Variants in RANBP17 observed in about 807,000 individuals in gnomAD.
The protein encoded by RANBP17 is ran-binding protein 17.
RANBP17 carries 158 observed loss-of-function variants against 141.2 expected under a neutral mutation model. That is an observed-to-expected ratio of 1.12 (90% confidence interval 0.98 to 1.28). The LOEUF (loss-of-function observed/expected upper bound fraction) is 1.28, where lower values mean the gene tolerates loss of function less well. Ranked by LOEUF, RANBP17 falls within the 50% of genes most tolerant of loss-of-function variation. RANBP17 has a pLI of 0.00. For missense variants in RANBP17, 1,438 were observed against 1,290.7 expected, an observed-to-expected ratio of 1.11 and a Z score of -1.75; for synonymous variants, 430 against 450.0, an observed-to-expected ratio of 0.96 and a Z score of 0.56.
intron 25 of RANBP17, among the ~76,000 whole-genome samples, chr5:171,286,153 G>A (rs1280446759): frequency 6.6e-6 from 1 of 152,226 alleles, no homozygotes; most frequent in Non-Finnish European, 1.5e-5. Flanking sequence ...CTTTCCGTAA[G>A]GAGGGGATGG....
At chr5:170,866,294 A>G (rs565059582) in intron 1 of RANBP17, among the ~76,000 whole-genome samples, 1 of 144,516 alleles carries the variant, frequency 6.9e-6, no homozygotes, top group Admixed American at 6.7e-5. Context: ...AGGAGGTACA[A>G]AGGAGACTAA....
chr5:171,248,840 A>T (rs905088553), intron 24 of RANBP17, among the ~76,000 whole-genome samples: 1 of 152,174 alleles, frequency 6.6e-6, no homozygotes, highest in African/African-American at 2.4e-5. Flanking sequence ...CCAAAGGGTC[A>T]TCCTACCACT....
chr5:170,893,808 A>G (rs1210354417), intron 4 of RANBP17, among the ~76,000 whole-genome samples: 1 of 151,596 alleles, frequency 6.6e-6, no homozygotes, highest in Non-Finnish European at 1.5e-5. Flanking sequence ...AAAAAAAAAG[A>G]AAAATCCATG....
intron 20 of RANBP17, chr5:171,206,693 CA>C: frequency 1.1e-5 from 2 of 179,564 alleles, no homozygotes; most frequent in Non-Finnish European, 1.2e-5. Context: ...CAGTTATGGC[CA>C]AAAATATAAC....
intron 14 of RANBP17, among the ~76,000 whole-genome samples, chr5:171,121,510 G>A (rs1374430593): frequency 6.6e-6 from 1 of 152,242 alleles, no homozygotes; most frequent in Non-Finnish European, 1.5e-5. Flanking sequence ...TGAGTTGGCT[G>A]ATTCGCTGTT....
chr5:171,065,220 G>A (rs747663976), intron 14 of RANBP17, among the ~76,000 whole-genome samples: 9 of 152,062 alleles, frequency 5.9e-5, no homozygotes, highest in Middle Eastern at 3.4e-3. Context: ...ATGGCTATCC[G>A]GTATTCCCTA....
intron 14 of RANBP17, among the ~76,000 whole-genome samples, chr5:171,153,348 T>G (rs1758621868): frequency 6.6e-6 from 1 of 152,248 alleles, no homozygotes. Flanking sequence ...AATGTTATTT[T>G]TGGCTAGATT....
intron 14 of RANBP17, among the ~76,000 whole-genome samples, chr5:171,168,693 A>G (rs1020937896): frequency 6.6e-6 from 1 of 152,124 alleles, no homozygotes; most frequent in Non-Finnish European, 1.5e-5. Context: ...ACAAGCAACA[A>G]TGGTCACTTT....
chr5:170,902,243 C>A (rs1770705587), intron 5 of RANBP17, among the ~76,000 whole-genome samples: 1 of 152,212 alleles, frequency 6.6e-6, no homozygotes, highest in South Asian at 2.1e-4. Context: ...TTTCTCTAAT[C>A]TTGTCTTCAC....
chr5:171,278,118 A>G (rs947514657), intron 25 of RANBP17, among the ~76,000 whole-genome samples: 2 of 151,812 alleles, frequency 1.3e-5, no homozygotes, highest in African/African-American at 4.8e-5. Flanking sequence ...GCAATTTGAG[A>G]AGCTGAAGCT....
intron 14 of RANBP17, among the ~76,000 whole-genome samples, chr5:171,000,507 C>T (rs1458195666): frequency 6.6e-6 from 1 of 152,118 alleles, no homozygotes; most frequent in East Asian, 1.9e-4. Flanking sequence ...CTTTTGGGGC[C>T]TATCAATGCA....
chr5:171,299,836 C>T lies in RANBP17; in HGVS notation c.*978C>T, dbSNP rs542587642. On this transcript the variant is annotated 3_prime_UTR_variant, in exon 28 of 28. Coordinates refer to ENST00000523189, the MANE Select transcript of RANBP17 (RefSeq NM_022897.5). ...ATGAAGAAGACCTTTACAGTTTGTG[C>T]TCTACTGTTACTAGGCTATTAATTT... 2.7e-5 allele frequency: 6 copies of T among 221,020 alleles called. No individual in the cohort carries two copies. In the East Asian group the frequency reaches 4.0e-4, roughly 15 times the overall value. 13.7% of individuals were successfully genotyped at this position (221,020 alleles called of 1,614,324 possible).
intron 16 of RANBP17, among the ~76,000 whole-genome samples, chr5:171,178,377 T>A (rs2127906965): frequency 6.6e-6 from 1 of 152,266 alleles, no homozygotes; most frequent in South Asian, 2.1e-4. Context: ...CTGCATAGTA[T>A]TCCATGGTGT....
intron 24 of RANBP17, among the ~76,000 whole-genome samples, chr5:171,260,126 C>A (rs56356003): frequency 6.6e-6 from 1 of 151,632 alleles, no homozygotes; most frequent in East Asian, 1.9e-4. Flanking sequence ...ATACTGAAAC[C>A]CTGTCTCTAC....
intron 14 of RANBP17, among the ~76,000 whole-genome samples, chr5:171,005,047 T>C (rs1581372998): frequency 6.6e-6 from 1 of 152,090 alleles, no homozygotes; most frequent in Admixed American, 6.5e-5. Flanking sequence ...TTAATTCCTA[T>C]TGTGGGGTTT....
chr5:171,013,433 C>T (rs1308557951), intron 14 of RANBP17, among the ~76,000 whole-genome samples: 1 of 152,144 alleles, frequency 6.6e-6, no homozygotes. Flanking sequence ...TGTCTCCATG[C>T]CCTCATCAAC....
intron 3 of RANBP17, among the ~76,000 whole-genome samples, chr5:170,885,531 C>G (rs369953307): frequency 6.6e-6 from 1 of 152,184 alleles, no homozygotes; most frequent in Admixed American, 6.5e-5. Context: ...TATAATCATT[C>G]TTAACCTCTT....
At chr5:170,981,039 A>G (rs1024968928) in intron 14 of RANBP17, among the ~76,000 whole-genome samples, 3 of 152,116 alleles carry the variant, frequency 2.0e-5, no homozygotes, top group African/African-American at 7.2e-5. Context: ...GGCAAAGGAG[A>G]TCATTTTGGA....
chr5:171,053,330 A>G (rs1268041258), intron 14 of RANBP17, among the ~76,000 whole-genome samples: 1 of 152,118 alleles, frequency 6.6e-6, no homozygotes, highest in Non-Finnish European at 1.5e-5. Flanking sequence ...AAAATCTAAG[A>G]GATAGCTTTT....
Sources: allele counts gnomAD v4.1 joint callset (sites outside exome capture counted in the v4.1 genomes callset), GRCh38; gene constraint gnomAD v4.1.1; transcripts MANE v1.5; gene names NCBI Gene and HGNC (gene_info 2026-07-23, HGNC 2026-07-21).